Variants in ACOT7 observed in about 807,000 individuals in gnomAD.
ACOT7 encodes the protein acyl-CoA thioesterase 7, also known as cytosolic acyl coenzyme A thioester hydrolase.
In ACOT7, 12 loss-of-function variants were observed where a neutral mutation model predicts 40.2. The ratio of observed to expected loss-of-function variants is 0.30; its 90% CI spans 0.19 to 0.48. The LOEUF (loss-of-function observed/expected upper bound fraction) is 0.48. ACOT7 is among the 20% of genes least tolerant of loss of function. The pLI, the probability that ACOT7 is intolerant of heterozygous loss-of-function variation, is 0.99. For missense variants in ACOT7, 395 were observed against 530.8 expected, an observed-to-expected ratio of 0.74 and a Z score of 2.51; for synonymous variants, 228 against 219.5, an observed-to-expected ratio of 1.04 and a Z score of -0.34.
At chr1:6,287,833 T>A (rs1235894146) in intron 7 of ACOT7, among the ~76,000 whole-genome samples, 2 of 152,254 alleles carry the variant, frequency 1.3e-5, no homozygotes, top group Non-Finnish European at 1.5e-5. Context: ...GAGCTGTGGC[T>A]GTTAACTTTC....
intron 6 of ACOT7, among the ~76,000 whole-genome samples, chr1:6,305,847 G>T (rs1269878779): frequency 6.6e-6 from 1 of 152,180 alleles, no homozygotes; most frequent in Non-Finnish European, 1.5e-5. Flanking sequence ...CAGCTGGGAG[G>T]TGGAGGTTGT....
At chr1:6,276,997 C>CCT (rs1553154753) in intron 8 of ACOT7, among the ~76,000 whole-genome samples, 3 of 152,122 alleles carry the variant, frequency 2.0e-5, no homozygotes, top group Admixed American at 6.5e-5. Context: ...ACCACCCCCC[C>CCT]CCAGGGTATG....
chr1:6,272,517 G>C (rs900481871), intron 8 of ACOT7, among the ~76,000 whole-genome samples: 1 of 152,190 alleles, frequency 6.6e-6, no homozygotes, highest in African/African-American at 2.4e-5. Context: ...CTGGGGACTT[G>C]CTTCTGATCC....
At chr1:6,283,065 C>T (rs991560538) in intron 7 of ACOT7, among the ~76,000 whole-genome samples, 2 of 152,094 alleles carry the variant, frequency 1.3e-5, no homozygotes, top group African/African-American at 4.8e-5. Context: ...CCTGTGGCCA[C>T]GGTGTCACAC....
rs963325935 is a variant in ACOT7 at position 6,295,109 on chromosome 1, G to T, written c.713-129C>A. On this transcript the variant is annotated intron_variant, in intron 6 of 8. Transcript: ENST00000361521. ...CCAGCAAGGGCCGCAGCCAGCAGGG[G>T]TGCAGGGTGCTCGGCCGCACGTGCT... The T allele has an allele frequency of 1.5e-5, 10 of 653,114 alleles. No individual in the cohort carries two copies. In the African/African-American group the frequency reaches 1.6e-4, roughly 11 times the overall value. 40.5% of individuals were successfully genotyped at this position (653,114 alleles called of 1,614,324 possible). A position where few individuals can be genotyped will look rare whatever the true frequency, so the allele number is the denominator to read the frequency against.
chr1:6,355,111 C>G lies in ACOT7; in HGVS notation c.144-5245G>C, dbSNP rs539574218. Among the ~76,000 whole-genome samples the G allele has an allele frequency of 3.3e-5, 5 of 152,136 alleles. No homozygotes were observed. ...CCAGAGCACTGCTGCTTAGCAGGCA[C>G]GCCTGGCCCTTCCCACCGTTCTACC... On this transcript the variant is annotated intron_variant, in intron 1 of 8. Coordinates refer to ENST00000361521, the MANE Select transcript of ACOT7 (RefSeq NM_007274.4). The surrounding 1 kb of genome is among the most constrained non-coding windows in gnomAD (Gnocchi z 5.0).
Position 6,333,524 on chromosome 1 carries a change from G to C in ACOT7, c.463C>G (p.Leu155Val). 6 of 1,614,232 alleles carry C rather than the reference G, an allele frequency of 3.7e-6. No homozygotes were observed. Among genetic ancestry groups the C allele is most frequent in the Non-Finnish European group, 5.1e-6 (6 of 1,180,040 alleles). Residue 155 changes from leucine (L) to valine (V), a missense_variant, in exon 4 of 9, where the codon CTG becomes GTG. By Grantham distance (32) the Leu-to-Val change is conservative. Around this residue, in one of 2 missense-constraint regions of ACOT7, gnomAD observed 309 missense variants for 470.3 expected, o/e 0.66. Transcript: ENST00000361521. ...TNKATLWYVPLSLKNVDKVLE... is the reference protein window; with the variant it reads ...TNKATLWYVPVSLKNVDKVLE... ...ACCTTGTCCACATTCTTCAGCGACA[G>C]GGGCACATACCACAGGGTGGCCTTA...
At position 6,342,062 on chromosome 1, in the gene ACOT7, G is replaced by A. The variant is rs184582370; in HGVS notation, c.262-2473C>T. Among the ~76,000 whole-genome samples, 523 of 152,316 alleles carry A rather than the reference G, an allele frequency of 3.4e-3. 3 individuals carry two copies. Among genetic ancestry groups the A allele is most frequent in the African/African-American group, 0.012 (505 of 41,580 alleles). On this transcript the variant is annotated intron_variant, in intron 2 of 8. Transcript: ENST00000361521. ...TGGGCTGCCAGAACAAAATGCCATA[G>A]CCTGGGCAGCTTAGACACAACAGAA...
At chr1:6,348,591 T>C (rs1196087047) in intron 2 of ACOT7, among the ~76,000 whole-genome samples, 1 of 152,194 alleles carries the variant, frequency 6.6e-6, no homozygotes, top group Admixed American at 6.5e-5. Context: ...GAGCCACTCC[T>C]ACCAAGCGAG....
Position 6,281,267 on chromosome 1 carries a change from C to T in ACOT7, c.849G>A (p.Ser283=), listed in dbSNP as rs570582538. 2.3e-5 allele frequency: 37 copies of T among 1,613,678 alleles called. No homozygotes were observed. Among genetic ancestry groups the T allele is most frequent in the African/African-American group, 6.7e-5 (5 of 74,862 alleles). The part of the protein sequence containing the change: ...KIRKGCVITI[S]GRMTFTSNKS... ...TATTGCTCGTGAAGGTCATGCGTCC[C>T]GAGATGGTGATGACGCAGCCTGTGG... Residue 283 remains serine, a synonymous_variant, in exon 8 of 9, where the codon TCG becomes TCA. Coordinates refer to ENST00000361521, the MANE Select transcript of ACOT7 (RefSeq NM_007274.4).
At chr1:6,349,051 T>C (rs1425954630) in intron 2 of ACOT7, among the ~76,000 whole-genome samples, 2 of 152,172 alleles carry the variant, frequency 1.3e-5, no homozygotes, top group African/African-American at 2.4e-5. Flanking sequence ...CGCCCTGTCC[T>C]CAGCACCCAA....
intron 7 of ACOT7, among the ~76,000 whole-genome samples, chr1:6,293,063 G>C (rs1639718566): frequency 6.6e-6 from 1 of 151,842 alleles, no homozygotes; most frequent in Non-Finnish European, 1.5e-5. Context: ...CTAATTTTTT[G>C]TATTTTTAGT....
intron 5 of ACOT7, among the ~76,000 whole-genome samples, chr1:6,321,268 A>G (rs1640637374): frequency 6.6e-6 from 1 of 152,190 alleles, no homozygotes; most frequent in African/African-American, 2.4e-5. Context: ...AAGTTTGAAC[A>G]GTCAAAAGCT....
intron 6 of ACOT7, among the ~76,000 whole-genome samples, chr1:6,308,346 C>T (rs1640225170): frequency 6.7e-6 from 1 of 149,788 alleles, no homozygotes; most frequent in Non-Finnish European, 1.5e-5. Context: ...CCACAACAGG[C>T]AGAAGGAACA....
rs766636308 is a variant in ACOT7, at chr1:6,355,860, TGAGGGGAGCCTGGCAGG to T, written c.144-6011_144-5995del. On this transcript the variant is annotated intron_variant, in intron 1 of 8. Coordinates refer to ENST00000361521, the MANE Select transcript of ACOT7 (RefSeq NM_007274.4). This position sits in a 1 kb window ranked among gnomAD's most constrained non-coding sequence, Gnocchi z 5.0. ...GCGGGAGTGAGGCGCCTGGAACAATTGAGGGGAGCCTGGCAGGGAGGGGAGCCGCTCCTGCCCCCTGG... is the reference window on the plus strand; with the variant it reads ...GCGGGAGTGAGGCGCCTGGAACAATTGAGGGGAGCCGCTCCTGCCCCCTGG... Among the ~76,000 whole-genome samples, 37 of 151,944 alleles carry T rather than the reference TGAGGGGAGCCTGGCAGG, an allele frequency of 2.4e-4. No homozygotes were observed. The highest frequency in any genetic ancestry group is 4.6e-4 in the Non-Finnish European group (31 of 67,980).
chr1:6,372,996 C>G (rs555301601), intron 1 of ACOT7, among the ~76,000 whole-genome samples: 1 of 152,052 alleles, frequency 6.6e-6, no homozygotes, highest in African/African-American at 2.4e-5. Context: ...GGGAAATAGC[C>G]GGTCAGTGGG....
chr1:6,280,546 TGAG>T (rs1639325671), intron 8 of ACOT7, among the ~76,000 whole-genome samples: 2 of 151,994 alleles, frequency 1.3e-5, no homozygotes, highest in South Asian at 2.1e-4. Context: ...CTGCCCTGCA[TGAG>T]GAGGAGAAAG....
chr1:6,305,939 C>T (rs1640138266), intron 6 of ACOT7, among the ~76,000 whole-genome samples: 1 of 152,308 alleles, frequency 6.6e-6, no homozygotes, highest in African/African-American at 2.4e-5. Context: ...GCAATCCCGG[C>T]ACCTCGGGAG....
chr1:6,352,917 C>T lies in ACOT7; in HGVS notation c.144-3051G>A, dbSNP rs1641635151. The stretch of plus-strand genomic sequence containing the variant: ...TTTTTGAGACAGCGTCTCATTCTGT[C>T]ACCCAGGCTGGAGTACAGTGGCATG... On this transcript the variant is annotated intron_variant, in intron 1 of 8. Coordinates refer to ENST00000361521, the MANE Select transcript of ACOT7 (RefSeq NM_007274.4). This position sits in a 1 kb window ranked among gnomAD's most constrained non-coding sequence, Gnocchi z 4.5. 6.6e-6 allele frequency among the ~76,000 whole-genome samples: 1 copy of T among 152,088 alleles called. No individual in the cohort carries two copies. The highest frequency in any genetic ancestry group is 2.1e-4 in the South Asian group (1 of 4,816).
Sources: gnomAD v4.1 joint callset for allele counts (sites outside exome capture counted in the v4.1 genomes callset) on GRCh38, gnomAD v4.1.1 for gene constraint, gnomAD v4.1.1 regional missense constraint, Gnocchi (gnomAD v3.1) non-coding constraint, MANE v1.5 for transcripts, NCBI Gene and HGNC (gene_info 2026-07-23, HGNC 2026-07-21) for gene names.